NBEA: variants seen among roughly 807,000 people sequenced by gnomAD.
NBEA encodes the protein neurobeachin.
NBEA carries 44 observed loss-of-function variants against 343.4 expected under a neutral mutation model. The observed-to-expected ratio is 0.13, with a 90% confidence interval of 0.10 to 0.16. The LOEUF is 0.16. NBEA is among the 10% of genes least tolerant of loss of function. The pLI, the probability that NBEA is intolerant of heterozygous loss-of-function variation, is 1.00. For missense variants in NBEA, 2,555 were observed against 3,631.3 expected (o/e 0.70, Z 7.62); for synonymous variants, 1,175 against 1,238.7 (o/e 0.95, Z 1.08).
chr13:34,991,131 T>G (rs2060736063), intron 1 of NBEA, among the ~76,000 whole-genome samples: 1 of 152,188 alleles, frequency 6.6e-6, no homozygotes, highest in Non-Finnish European at 1.5e-5. Flanking sequence ...TTCCAAACCT[T>G]CCTTGGTCTT....
At chr13:35,475,955 G>A (rs146905585) in intron 41 of NBEA, 57 of 1,614,188 alleles carry the variant, frequency 3.5e-5, no homozygotes, top group African/African-American at 2.5e-4. Context: ...CCCTCGTAGC[G>A]ATTGTCCATC....
chr13:35,157,930 A>G (rs989405903), intron 21 of NBEA, among the ~76,000 whole-genome samples: 37 of 152,186 alleles, frequency 2.4e-4, no homozygotes, highest in Admixed American at 2.4e-3. Context: ...TAGGAGACTC[A>G]TTAAGTCTTC....
intron 41 of NBEA, among the ~76,000 whole-genome samples, chr13:35,495,050 G>A (rs1052458835): frequency 4.6e-5 from 7 of 151,532 alleles, no homozygotes; most frequent in Non-Finnish European, 1.0e-4. Context: ...AGAGACTGTC[G>A]ACTGAATTAA....
intron 8 of NBEA, among the ~76,000 whole-genome samples, chr13:35,064,294 G>A (rs564410802): frequency 3.3e-5 from 5 of 152,064 alleles, no homozygotes; most frequent in African/African-American, 7.2e-5. Context: ...AACCAGCAAA[G>A]GAGAATGAGG....
chr13:35,338,566 A>G (rs2039401590), intron 36 of NBEA, among the ~76,000 whole-genome samples: 2 of 152,086 alleles, frequency 1.3e-5, no homozygotes, highest in African/African-American at 4.8e-5. Flanking sequence ...GTCCTTCTCA[A>G]ACTCTCCCAA....
At chr13:35,400,583 C>G (rs1332393065) in intron 38 of NBEA, among the ~76,000 whole-genome samples, 1 of 151,888 alleles carries the variant, frequency 6.6e-6, no homozygotes, top group Non-Finnish European at 1.5e-5. Flanking sequence ...TCATATTATC[C>G]AAGATGATAG....
chr13:35,615,133 AAAAAAAAAAAC>A (rs1379217717), intron 48 of NBEA, among the ~76,000 whole-genome samples: 2 of 149,032 alleles, frequency 1.3e-5, no homozygotes, highest in African/African-American at 2.5e-5. Flanking sequence ...AAAATACAAA[AAAAAAAAAAAC>A]AAAAAAAAAT....
intron 53 of NBEA, among the ~76,000 whole-genome samples, chr13:35,652,609 C>A (rs1451510187): frequency 1.4e-5 from 2 of 147,146 alleles, no homozygotes; most frequent in Middle Eastern, 3.5e-3. Flanking sequence ...CCACTGCACT[C>A]CAGCCTGGGT....
At chr13:35,200,632 T>C (rs1214069254) in intron 31 of NBEA, among the ~76,000 whole-genome samples, 2 of 151,952 alleles carry the variant, frequency 1.3e-5, no homozygotes, top group Non-Finnish European at 2.9e-5. Flanking sequence ...AAACCTCCTG[T>C]ATTCAAATTA....
chr13:35,364,159 C>T (rs1289462409), intron 38 of NBEA, among the ~76,000 whole-genome samples: 1 of 151,908 alleles, frequency 6.6e-6, no homozygotes, highest in Non-Finnish European at 1.5e-5. Flanking sequence ...CAACAAATTT[C>T]ATCTCTCCCA....
chr13:35,013,620 C>T (rs1248678897), intron 1 of NBEA, among the ~76,000 whole-genome samples: 1 of 151,880 alleles, frequency 6.6e-6, no homozygotes, highest in African/African-American at 2.4e-5. Flanking sequence ...AGGTGTGTGC[C>T]ACCATGCCTG....
intron 47 of NBEA, among the ~76,000 whole-genome samples, chr13:35,602,689 G>C (rs138623898): frequency 6.2e-4 from 95 of 152,280 alleles, no homozygotes; most frequent in Non-Finnish European, 1.1e-3. Flanking sequence ...ACATTTGGGT[G>C]GCCTGATAAG....
intron 44 of NBEA, among the ~76,000 whole-genome samples, chr13:35,561,936 A>G (rs1261232454): frequency 6.6e-6 from 1 of 152,098 alleles, no homozygotes; most frequent in East Asian, 1.9e-4. Flanking sequence ...ATGAATGTTC[A>G]TTATAGAAAA....
rs146741858 is a variant in NBEA, at chr13:35,500,695, G to A, written c.6585+28159G>A. Reference sequence around the variant, plus strand: ...ATCTAGGTTCATGTTCTCACTCCTCGTGCTCTTTCCTGGCTCTTCTTTTTT... The same window carrying A: ...ATCTAGGTTCATGTTCTCACTCCTCATGCTCTTTCCTGGCTCTTCTTTTTT... On this transcript the variant is annotated intron_variant, in intron 41 of 58. Transcript: ENST00000379939. Among the ~76,000 whole-genome samples, 1,100 of 143,856 alleles carry A rather than the reference G, an allele frequency of 7.6e-3. 9 individuals carry two copies. The highest frequency in any genetic ancestry group is 0.023 in the African/African-American group (893 of 38,958). 94.4% of individuals were successfully genotyped at this position (143,856 alleles called of 152,430 possible). A position where few individuals can be genotyped will look rare whatever the true frequency, so the allele number is the denominator to read the frequency against.
At chr13:35,285,565 C>G (rs2035365340) in intron 34 of NBEA, among the ~76,000 whole-genome samples, 1 of 152,106 alleles carries the variant, frequency 6.6e-6, no homozygotes, top group East Asian at 1.9e-4. Flanking sequence ...CATCATCACA[C>G]TCTGATGGTT....
At position 35,184,074 on chromosome 13, in the gene NBEA, A is replaced by G. The variant is rs757448273; in HGVS notation, c.4927+3A>G. 3 of 1,596,218 alleles carry G rather than the reference A, an allele frequency of 1.9e-6. No individual in the cohort carries two copies. Among genetic ancestry groups the G allele is most frequent in the Non-Finnish European group, 2.6e-6 (3 of 1,165,512 alleles). On this transcript the variant is annotated splice_donor_region_variant and intron_variant, in intron 30 of 58. Transcript: ENST00000379939. ...CTTTGGCCACTCATTTTACAAAGGT[A>G]ATACTGACCTCATCTCCTGACCTGT...
At chr13:35,212,000 TACACACAC>T (rs3048222) in intron 33 of NBEA, among the ~76,000 whole-genome samples, 3 of 149,620 alleles carry the variant, frequency 2.0e-5, no homozygotes, top group Non-Finnish European at 3.0e-5. Flanking sequence ...TGTATACGTG[TACACACAC>T]ACACACACAC....
chr13:35,549,363 G>A (rs897033715), intron 41 of NBEA, among the ~76,000 whole-genome samples: 2 of 152,132 alleles, frequency 1.3e-5, no homozygotes, highest in Non-Finnish European at 2.9e-5. Flanking sequence ...GTAAAACTCA[G>A]TAACTGTTTT....
intron 5 of NBEA, among the ~76,000 whole-genome samples, chr13:35,048,942 C>T (rs2062962977): frequency 6.6e-6 from 1 of 151,760 alleles, no homozygotes; most frequent in East Asian, 1.9e-4. Context: ...GACTTTCTGT[C>T]CCAGTCTCCT....
Sources: allele counts gnomAD v4.1 joint callset (sites outside exome capture counted in the v4.1 genomes callset), GRCh38; gene constraint gnomAD v4.1.1; transcripts MANE v1.5; gene names NCBI Gene and HGNC (gene_info 2026-07-23, HGNC 2026-07-21).